Variants in MUC6 observed in about 807,000 individuals in gnomAD.
The protein encoded by MUC6 is mucin-6.
MUC6 carries 188 observed loss-of-function variants against 201.5 expected under a neutral mutation model. The ratio of observed to expected loss-of-function variants is 0.93; its 90% confidence interval spans 0.83 to 1.05. MUC6 has a LOEUF of 1.05. Among genes scored for constraint, MUC6 ranks in the 50% least tolerant of loss-of-function variants. The pLI, the probability that MUC6 is intolerant of heterozygous loss-of-function variation, is 0.00. For synonymous variants in MUC6, 1,228 were observed against 1,389.4 expected (o/e 0.88, Z 2.58); for missense variants, 2,706 against 3,256.9 (o/e 0.83, Z 4.12).
At chr11:1,034,635 T>G (rs1857177369) in intron 1 of MUC6, among the ~76,000 whole-genome samples, 1 of 152,182 alleles carries the variant, frequency 6.6e-6, no homozygotes, top group Admixed American at 6.5e-5. Context: ...GGCCAGCACC[T>G]CTGGAGGCTG....
At chr11:1,026,504 C>T in intron 19 of MUC6, 26 bp from the exon 20 acceptor site, 1 of 1,549,068 alleles carries the variant, frequency 6.5e-7, no homozygotes, top group Non-Finnish European at 8.7e-7. Context: ...TCAGCAGCTC[C>T]TGGGAGGGTG....
rs375322689 is a variant in MUC6, at chr11:1,027,212, G to A, written c.2232-19C>T. The A allele has an allele frequency of 4.3e-5, 69 of 1,612,106 alleles. No homozygotes were observed. The highest frequency in any genetic ancestry group is 2.0e-4 in the Admixed American group (12 of 60,012). On this transcript the variant is annotated intron_variant, in intron 17 of 32. Coordinates refer to ENST00000421673, the MANE Select transcript of MUC6 (RefSeq NM_005961.3). ...GCAGTGGCTGCAAGAGAGAGGCTGC[G>A]TGAGACCCCGGGACCTGGCAGGGAC...
chr11:1,030,271 G>T lies in MUC6; in HGVS notation c.957C>A (p.Cys319Ter). ...TGGAGCAGCTGTGCTGCGGGTTGGA[G>T]CAGGTCTTCACGCAGGCCGAGCCGC... Reference protein sequence around the residue: ...QECGSACVKTCSNPQHSCSSS... With the variant: ...QECGSACVKT The change falls in exon 8 of 33, where the codon TGC (cysteine) becomes TGA (stop). Residue 319 changes from cysteine to a stop codon, truncating the protein, a stop_gained. Transcript: ENST00000421673. LOFTEE classifies it high-confidence loss of function. 6.5e-7 allele frequency: 1 copy of T among 1,550,118 alleles called. No individual in the cohort carries two copies. The highest frequency in any genetic ancestry group is 8.7e-7 in the Non-Finnish European group (1 of 1,147,050).
Position 1,020,207 on chromosome 11 carries a change from C to G in MUC6, c.3691G>C (p.Gly1231Arg), listed in dbSNP as rs765595248. The G allele has an allele frequency of 3.0e-5, 49 of 1,611,116 alleles. No homozygotes were observed. In the Middle Eastern group the frequency reaches 8.5e-4, roughly 28 times the overall value. ...GAGGGTCCGGTGGAGCTGAGAAGCC[C>G]GATGGTGGTGGAGGTTCCCGTCATG... is the stretch of plus-strand genomic sequence containing the variant. ...WPMTGTSTTI[G>R]LLSSTGPSPS... The change falls in exon 29 of 33, where the codon GGG becomes CGG. Residue 1231 changes from glycine (G) to arginine (R), a missense_variant. Gly to Arg is a moderately radical substitution (Grantham distance 125). This residue lies in a region of MUC6 where 1,850 missense variants were observed against 1,958.3 expected (regional missense o/e 0.94). Transcript: ENST00000421673.
chr11:1,020,573 A>G (rs1856783681), intron 28 of MUC6, 111 bp downstream of exon 28: 4 of 1,464,604 alleles, frequency 2.7e-6, no homozygotes, highest in East Asian at 2.3e-5. Context: ...AGAAGGGCAC[A>G]GGTACTGCCT....
At chr11:1,030,521 G>A in intron 7 of MUC6, 52 bp downstream of exon 7, 2 of 1,461,028 alleles carry the variant, frequency 1.4e-6, no homozygotes, top group Non-Finnish European at 9.1e-7. Flanking sequence ...GGGAGAGCTG[G>A]GTCTGGAGCC....
rs1856869123 is a variant in MUC6 at position 1,023,379 on chromosome 11, TTAA to T, written c.3526+127_3526+129del. ...GTGTGTGTGAATGAATGTGTGCAAA[TTAA>T]TGAATGTGTGAATTAATGAGCATGA... On this transcript the variant is annotated intron_variant, in intron 26 of 32. Coordinates refer to ENST00000421673, the MANE Select transcript of MUC6 (RefSeq NM_005961.3). The T allele has an allele frequency of 3.0e-5, 37 of 1,220,896 alleles. 1 individual carries two copies. In the South Asian group the frequency reaches 5.2e-4, roughly 17 times the overall value. 75.6% of individuals were successfully genotyped at this position (1,220,896 alleles called of 1,614,324 possible).
intron 29 of MUC6, 141 bp from the exon 30 acceptor site, chr11:1,019,637 C>T: frequency 1.3e-6 from 1 of 773,976 alleles, no homozygotes; most frequent in African/African-American, 1.7e-5. Context: ...CTTCCTCTTG[C>T]CTTTGTTAGG....
rs1305575134 is a variant in MUC6, at chr11:1,030,286, G to A, written c.942C>T (p.Ala314=). 1 of 1,549,490 alleles carries A rather than the reference G, an allele frequency of 6.5e-7. No individual in the cohort carries two copies. The highest frequency in any genetic ancestry group is 1.4e-5 in the African/African-American group (1 of 73,038). Residue 314 remains alanine (A), a synonymous_variant, in exon 8 of 33, where the codon GCC becomes GCT. Transcript: ENST00000421673. ...GCGGGTTGGAGCAGGTCTTCACGCA[G>A]GCCGAGCCGCACTCCTGGTACACCT... ...ANQVYQECGS[A]CVKTCSNPQH... is the part of the protein sequence containing the mutation.
chr11:1,027,872 G>A, intron 15 of MUC6, 55 bp from the exon 16 acceptor site: 2 of 1,589,566 alleles, frequency 1.3e-6, no homozygotes, highest in Non-Finnish European at 1.7e-6. Flanking sequence ...CTGGGGACAT[G>A]GGGGTCCCAA....
At chr11:1,030,462 C>T in intron 7 of MUC6, 111 bp downstream of exon 7, 5 of 1,408,518 alleles carry the variant, frequency 3.5e-6, no homozygotes, top group Non-Finnish European at 4.7e-6. Context: ...GATCTCCTGT[C>T]TCTCAGACCA....
Position 1,016,023 on chromosome 11 carries a change from T to TGC in MUC6, c.6777_6778insGC (p.Thr2260AlafsTer34). ...GACTGAGAGGAGAAGGCAGGGGCGG[T>TGC]GTGGGTGCTGGCCGTGGTCCTGGGC... On this transcript the variant is annotated frameshift_variant, in exon 31 of 33. Coordinates refer to ENST00000421673, the MANE Select transcript of MUC6 (RefSeq NM_005961.3). LOFTEE classifies it high-confidence loss of function. The TGC allele has an allele frequency of 6.2e-7, 1 of 1,607,390 alleles. No individual in the cohort carries two copies. Among genetic ancestry groups the TGC allele is most frequent in the African/African-American group, 1.3e-5 (1 of 74,590 alleles).
chr11:1,026,304 T>C, intron 20 of MUC6, 23 bp downstream of exon 20: 1 of 1,558,754 alleles, frequency 6.4e-7, no homozygotes, highest in Non-Finnish European at 8.7e-7. Flanking sequence ...GCCCAGGGCG[T>C]CTGAAGCGAG....
Position 1,026,359 on chromosome 11 carries a change from T to C in MUC6, c.2514A>G (p.Gly838=), listed in dbSNP as rs772981562. The change falls in exon 20 of 33, where the codon GGA becomes GGG. Residue 838 remains glycine, a synonymous_variant. Transcript: ENST00000421673. ...TGCAGTCAGTGTGGAGCTCAGCTCC[T>C]CCAGGGTAGGAGACCCCCGAGAACT... ...PCEFSGVSYP[G]GAELHTDCRT... 2.1e-5 allele frequency: 34 copies of C among 1,598,908 alleles called. No individual in the cohort carries two copies. Among genetic ancestry groups the C allele is most frequent in the Non-Finnish European group, 2.7e-5 (32 of 1,173,358 alleles).
chr11:1,026,311 C>T lies in MUC6; in HGVS notation c.2546+16G>A, dbSNP rs377188114. 3.3e-5 allele frequency: 51 copies of T among 1,561,684 alleles called. No individual in the cohort carries two copies. Among genetic ancestry groups the T allele is most frequent in the Middle Eastern group, 1.7e-4 (1 of 5,794 alleles). ...CCCCAGGAGCCCAGGGCGTCTGAAG[C>T]GAGGCTTTGTCTCACCAGGTCCTGC... On this transcript the variant is annotated intron_variant, in intron 20 of 32. Transcript: ENST00000421673.
chr11:1,034,900 G>A (rs952716986), intron 1 of MUC6, among the ~76,000 whole-genome samples: 1 of 152,268 alleles, frequency 6.6e-6, no homozygotes, highest in African/African-American at 2.4e-5. Flanking sequence ...GCTCCAAGTC[G>A]GCTGCCTCCA....
At position 1,027,160 on chromosome 11, in the gene MUC6, C is replaced by T. The variant is rs999941947; in HGVS notation, c.2265G>A (p.Gln755=). ...HCINGRLSCP[Q]RPQMFLASCQ... is the part of the protein sequence containing the mutation. ...ACGTACCCAGGAACATCTGTGGCCG[C>T]TGCGGGCAACTCAGCCGCCCGTTGA... Residue 755 remains glutamine (Q), a synonymous_variant, in exon 18 of 33, where the codon CAG becomes CAA. Transcript: ENST00000421673. 6.2e-7 allele frequency: 1 copy of T among 1,612,472 alleles called. No homozygotes were observed. Among genetic ancestry groups the T allele is most frequent in the Non-Finnish European group, 8.5e-7 (1 of 1,179,822 alleles).
chr11:1,022,130 G>GCTCC (rs1475008051), intron 26 of MUC6, among the ~76,000 whole-genome samples: 3 of 94,816 alleles, frequency 3.2e-5, no homozygotes, highest in African/African-American at 4.6e-5. Flanking sequence ...CCCCTCACTC[G>GCTCC]CTCTGCCCTC....
intron 8 of MUC6, 24 bp from the exon 9 acceptor site, chr11:1,029,639 G>C (rs779985200): frequency 7.7e-6 from 12 of 1,551,496 alleles, no homozygotes; most frequent in South Asian, 1.2e-5. Context: ...TCTTCTTGGG[G>C]CTTGGGTGGG....
Sources: gnomAD v4.1 joint callset for allele counts (sites outside exome capture counted in the v4.1 genomes callset) on GRCh38, gnomAD v4.1.1 for gene constraint, gnomAD v4.1.1 regional missense constraint, MANE v1.5 for transcripts, NCBI Gene and HGNC (gene_info 2026-07-23, HGNC 2026-07-21) for gene names.